RAD51B: variants seen among roughly 807,000 people sequenced by gnomAD.
RAD51B encodes the protein DNA repair protein RAD51 homolog 2.
Under a neutral mutation model 42.2 loss-of-function variants are expected in RAD51B, and 38 were observed. The ratio of observed to expected loss-of-function variants is 0.90; its 90% CI spans 0.70 to 1.18. The LOEUF (loss-of-function observed/expected upper bound fraction) is 1.18, where lower values mean the gene tolerates loss of function less well. Ranked by LOEUF, RAD51B falls within the 50% of genes most tolerant of loss-of-function variation. The probability of loss-of-function intolerance (pLI) is 0.00; values close to 1 mark genes in which losing one functional copy is unlikely to be tolerated. For missense variants in RAD51B, 373 were observed against 400.7 expected (o/e 0.93, Z 0.59); for synonymous variants, 154 against 145.2 (o/e 1.06, Z -0.43).
intron 9 of RAD51B, among the ~76,000 whole-genome samples, chr14:68,431,215 T>C (rs1296278040): frequency 2.6e-5 from 4 of 152,206 alleles, no homozygotes; most frequent in African/African-American, 7.2e-5. Context: ...AAATTCTCTT[T>C]TTTTGTTGTG....
chr14:68,344,165 TC>T (rs1307066294), intron 8 of RAD51B, among the ~76,000 whole-genome samples: 3 of 152,176 alleles, frequency 2.0e-5, no homozygotes, highest in African/African-American at 4.8e-5. Context: ...ACCCGCCACG[TC>T]CCAGAATGGT....
At chr14:68,530,112 A>G (rs1256748115) in intron 10 of RAD51B, among the ~76,000 whole-genome samples, 1 of 152,122 alleles carries the variant, frequency 6.6e-6, no homozygotes, top group East Asian at 1.9e-4. Context: ...TACATATGAG[A>G]TAGTAAACCT....
At chr14:68,582,950 CA>C in intron 10 of RAD51B, among the ~76,000 whole-genome samples, 1 of 152,062 alleles carries the variant, frequency 6.6e-6, no homozygotes, top group Admixed American at 6.5e-5. Context: ...GGGAGTTGAA[CA>C]ATAACACATG....
intron 9 of RAD51B, among the ~76,000 whole-genome samples, chr14:68,426,341 G>T (rs1446294329): frequency 2.6e-5 from 4 of 151,894 alleles, no homozygotes; most frequent in African/African-American, 9.7e-5. Context: ...CTCCCAAAGT[G>T]CTGGGATTAC....
intron 7 of RAD51B, among the ~76,000 whole-genome samples, chr14:68,203,685 T>C (rs1164488808): frequency 6.6e-6 from 1 of 152,222 alleles, no homozygotes; most frequent in African/African-American, 2.4e-5. Flanking sequence ...GGCTATTTTG[T>C]CTACATGAAA....
chr14:68,472,691 A>G (rs934888679), intron 10 of RAD51B, among the ~76,000 whole-genome samples: 5 of 152,180 alleles, frequency 3.3e-5, no homozygotes, highest in Non-Finnish European at 7.3e-5. Flanking sequence ...GCTGTCGTCT[A>G]TTAGTGTAGG....
chr14:68,087,444 C>G (rs2077001836), intron 7 of RAD51B, among the ~76,000 whole-genome samples: 1 of 152,084 alleles, frequency 6.6e-6, no homozygotes, highest in African/African-American at 2.4e-5. Flanking sequence ...TCATGATTGA[C>G]TGGTCTATAT....
chr14:68,107,095 G>T (rs561978284), intron 7 of RAD51B, among the ~76,000 whole-genome samples: 2 of 151,792 alleles, frequency 1.3e-5, no homozygotes, highest in Non-Finnish European at 3.0e-5. Context: ...TCTTCATTAA[G>T]ATGTTTATAA....
At chr14:68,613,647 G>A (rs1344598876), downstream of RAD51B, among the ~76,000 whole-genome samples, 2 of 151,932 alleles carry the variant, frequency 1.3e-5, no homozygotes, top group East Asian at 2.0e-4. Context: ...GTAGAGATGG[G>A]GTTTCACCGT....
chr14:67,876,285 C>T (rs950931982), intron 5 of RAD51B, among the ~76,000 whole-genome samples: 1 of 152,168 alleles, frequency 6.6e-6, no homozygotes, highest in Non-Finnish European at 1.5e-5. Context: ...TACATTTTAA[C>T]TAAGATTTTG....
intron 7 of RAD51B, among the ~76,000 whole-genome samples, chr14:68,012,449 G>A (rs924869284): frequency 6.7e-6 from 1 of 149,662 alleles, no homozygotes; most frequent in Non-Finnish European, 1.5e-5. Flanking sequence ...TATATATCTA[G>A]AGAGAGCGAG....
At chr14:68,457,166 G>A (rs1420210388) in intron 9 of RAD51B, among the ~76,000 whole-genome samples, 2 of 151,828 alleles carry the variant, frequency 1.3e-5, no homozygotes, top group Non-Finnish European at 1.5e-5. Flanking sequence ...GCTCACCTCG[G>A]CCTCCCAAAG....
At chr14:68,237,985 G>A (rs1169003437) in intron 7 of RAD51B, among the ~76,000 whole-genome samples, 4 of 151,868 alleles carry the variant, frequency 2.6e-5, no homozygotes, top group Admixed American at 1.3e-4. Flanking sequence ...CACCCACCTC[G>A]GCCTCCCAAA....
chr14:68,139,503 A>C (rs961606107), intron 7 of RAD51B, among the ~76,000 whole-genome samples: 13 of 148,946 alleles, frequency 8.7e-5, no homozygotes, highest in Admixed American at 2.7e-4. Context: ...TGATTGAGAC[A>C]AAAAAAAAAG....
intron 7 of RAD51B, among the ~76,000 whole-genome samples, chr14:68,280,459 C>CA (rs1422384977): frequency 3.3e-5 from 5 of 152,100 alleles, no homozygotes; most frequent in Non-Finnish European, 1.5e-5. Context: ...TATTTGATCT[C>CA]AAAAAATACC....
At chr14:67,881,961 C>G (rs919749441) in intron 5 of RAD51B, among the ~76,000 whole-genome samples, 12 of 152,174 alleles carry the variant, frequency 7.9e-5, no homozygotes, top group South Asian at 2.1e-4. Context: ...TTGAAAAGCT[C>G]TCTTCCCTTG....
chr14:68,472,531 G>T (rs557007346), intron 10 of RAD51B, among the ~76,000 whole-genome samples: 4 of 152,234 alleles, frequency 2.6e-5, no homozygotes, highest in Non-Finnish European at 5.9e-5. Flanking sequence ...TTTCCTCAGG[G>T]ATCTGGGGAG....
At chr14:67,978,135 C>T (rs1439253040) in intron 7 of RAD51B, among the ~76,000 whole-genome samples, 3 of 151,950 alleles carry the variant, frequency 2.0e-5, no homozygotes, top group Non-Finnish European at 2.9e-5. Context: ...ATGATTTGGG[C>T]TATTATTTGC....
At chr14:67,844,743 A>G (rs1027321041) in intron 4 of RAD51B, among the ~76,000 whole-genome samples, 4 of 152,012 alleles carry the variant, frequency 2.6e-5, no homozygotes, top group Admixed American at 1.3e-4. Flanking sequence ...TACATTAGGT[A>G]TATCTACTAA....
Sources: allele counts gnomAD v4.1 joint callset (sites outside exome capture counted in the v4.1 genomes callset), GRCh38; gene constraint gnomAD v4.1.1; transcripts MANE v1.5; gene names NCBI Gene and HGNC (gene_info 2026-07-23, HGNC 2026-07-21).